Variants in EIF2AK1 observed in about 807,000 individuals in gnomAD.
The protein encoded by EIF2AK1 is eukaryotic translation initiation factor 2 alpha kinase 1.
Under a neutral mutation model 77.9 loss-of-function variants are expected in EIF2AK1, and 54 were observed. The ratio of observed to expected loss-of-function variants is 0.69; its 90% CI spans 0.56 to 0.87. The LOEUF (loss-of-function observed/expected upper bound fraction) is 0.87. EIF2AK1 is among the 40% of genes least tolerant of loss of function. The pLI is 0.00. For missense variants in EIF2AK1, 810 were observed against 768.6 expected (o/e 1.05, Z -0.64); for synonymous variants, 314 against 290.5 (o/e 1.08, Z -0.82).
intron 6 of EIF2AK1, 83 bp from the exon 7 acceptor site, chr7:6,044,744 TAC>T: frequency 8.7e-7 from 1 of 1,155,420 alleles, no homozygotes; most frequent in Non-Finnish European, 1.3e-6. Flanking sequence ...CAGAGCAAAA[TAC>T]AGATGGCCCC....
rs1426542145 is a variant in EIF2AK1 at position 6,023,933 on chromosome 7, TC to T, written c.*739del. ...CCCTTTCTGGGATTCAAAAACCAAT[TC>T]ATCAGATCGCTGCCTCTGAGGGATG... On this transcript the variant is annotated 3_prime_UTR_variant, in exon 15 of 15. Transcript: ENST00000199389. 6.9e-7 allele frequency: 1 copy of T among 1,449,508 alleles called. No individual in the cohort carries two copies. Among genetic ancestry groups the T allele is most frequent in the Non-Finnish European group, 9.2e-7 (1 of 1,092,418 alleles). 89.8% of individuals were successfully genotyped at this position (1,449,508 alleles called of 1,614,324 possible).
At chr7:6,057,083 A>C (rs1788795955) in intron 1 of EIF2AK1, among the ~76,000 whole-genome samples, 1 of 150,218 alleles carries the variant, frequency 6.7e-6, no homozygotes, top group Non-Finnish European at 1.5e-5. Flanking sequence ...CGTTGAACCC[A>C]GGAGTTTGAG....
chr7:6,039,385 G>C (rs1191280890), intron 9 of EIF2AK1, among the ~76,000 whole-genome samples: 2 of 151,928 alleles, frequency 1.3e-5, no homozygotes, highest in Non-Finnish European at 2.9e-5. Flanking sequence ...ATCTTGGAAG[G>C]CCAAGGCAGG....
In EIF2AK1 at chr7:6,033,054, T is replaced by A; in HGVS notation, c.1333-4022A>T. On this transcript the variant is annotated intron_variant, in intron 11 of 14. Coordinates refer to ENST00000199389, the MANE Select transcript of EIF2AK1 (RefSeq NM_014413.4). This position sits in a 1 kb window ranked among gnomAD's most constrained non-coding sequence, Gnocchi z 4.4. ...CACAATCTCGCCTCACTGCAACCTC[T>A]ACTTCCTGGGTTCAAGAGCTTCTCC... 1.2e-6 allele frequency: 1 copy of A among 821,758 alleles called. No homozygotes were observed. The highest frequency in any genetic ancestry group is 1.7e-5 in the South Asian group (1 of 58,204). The allele number at this position is 821,758 out of a possible 1,614,324, so 50.9% of individuals were successfully genotyped here. A position where few individuals can be genotyped will look rare whatever the true frequency, so the allele number is the denominator to read the frequency against.
Position 6,023,541 on chromosome 7 carries a change from G to C in EIF2AK1, c.*1132C>G, listed in dbSNP as rs1562736045. ...TTGGGAAGAGCCCTTGGCTCGCTGG[G>C]AATGAACTCACCGTAGCAGACGTGG... On this transcript the variant is annotated 3_prime_UTR_variant, in exon 15 of 15. Transcript: ENST00000199389. The C allele has an allele frequency of 6.2e-7, 1 of 1,614,226 alleles. No homozygotes were observed. The highest frequency in any genetic ancestry group is 2.2e-5 in the East Asian group (1 of 44,874).
In EIF2AK1 at chr7:6,046,060, A is replaced by T; in HGVS notation, c.630+11T>A. ...CAATTATTCAAAATAAGTAATTTTT[A>T]AAAATCATACCTTCATGCAAACTGT... is the stretch of plus-strand genomic sequence containing the variant. On this transcript the variant is annotated intron_variant, in intron 6 of 14. Transcript: ENST00000199389. 1 of 1,498,838 alleles carries T rather than the reference A, an allele frequency of 6.7e-7. No individual in the cohort carries two copies. Among genetic ancestry groups the T allele is most frequent in the Non-Finnish European group, 9.1e-7 (1 of 1,100,660 alleles). The allele number at this position is 1,498,838 out of a possible 1,614,324, so 92.8% of individuals were successfully genotyped here.
rs1156450907 is a variant in EIF2AK1 at position 6,042,450 on chromosome 7, C to CA, written c.791+482dup. ...TGGGCGACAGAGCGAGACTCCATCTCAAAAAAAAAAAAAAAATACCGACAG... is the reference window on the plus strand; with the variant it reads ...TGGGCGACAGAGCGAGACTCCATCTCAAAAAAAAAAAAAAAAATACCGACAG... On this transcript the variant is annotated intron_variant, in intron 8 of 14. Transcript: ENST00000199389. Among the ~76,000 whole-genome samples, 574 of 104,928 alleles carry CA rather than the reference C, an allele frequency of 5.5e-3. 1 individual carries two copies. Among genetic ancestry groups the CA allele is most frequent in the African/African-American group, 7.9e-3 (213 of 27,000 alleles). 68.8% of individuals were successfully genotyped at this position (104,928 alleles called of 152,430 possible). A position where few individuals can be genotyped will look rare whatever the true frequency, so the allele number is the denominator to read the frequency against.
At chr7:6,040,603 T>C (rs1788267710) in intron 9 of EIF2AK1, among the ~76,000 whole-genome samples, 1 of 152,170 alleles carries the variant, frequency 6.6e-6, no homozygotes, top group South Asian at 2.1e-4. Context: ...GATGCTAACA[T>C]ACAACACAAA....
In EIF2AK1 at chr7:6,032,247, G is replaced by T. The variant is rs12333405; in HGVS notation, c.1333-3215C>A. Among the ~76,000 whole-genome samples the T allele has an allele frequency of 0.11, 17,470 of 152,136 alleles. 1,180 individuals carry two copies. Among genetic ancestry groups the T allele is most frequent in the African/African-American group, 0.19 (7,855 of 41,490 alleles). Reference sequence around the variant, plus strand: ...TTCATTTTCTAAATTTTTATACAATGATTATTACTTTTACAATTAAATTCA... The same window carrying T: ...TTCATTTTCTAAATTTTTATACAATTATTATTACTTTTACAATTAAATTCA... On this transcript the variant is annotated intron_variant, in intron 11 of 14. Transcript: ENST00000199389. The surrounding 1 kb of genome is among the most constrained non-coding windows in gnomAD (Gnocchi z 4.3).
In EIF2AK1 at chr7:6,059,057, G is replaced by C; in HGVS notation, c.27C>G (p.Arg9=). 6.7e-7 allele frequency: 1 copy of C among 1,488,432 alleles called. No homozygotes were observed. Among genetic ancestry groups the C allele is most frequent in the South Asian group, 1.3e-5 (1 of 77,436 alleles). 92.2% of individuals were successfully genotyped at this position (1,488,432 alleles called of 1,614,324 possible). Reference sequence around the variant, plus strand: ...CCCCGTCGCCCTCCTCTTCGCGCTTGCGGACCCCGGAGTTGCCCCCCTGCA... The same window carrying C: ...CCCCGTCGCCCTCCTCTTCGCGCTTCCGGACCCCGGAGTTGCCCCCCTGCA... MQGGNSGV[R]KREEEGDGAG... is the part of the protein sequence containing the mutation. The change falls in exon 1 of 15, where the codon CGC becomes CGG. Residue 9 remains arginine (R), a synonymous_variant. Transcript: ENST00000199389.
rs1036201274 is a variant in EIF2AK1, at chr7:6,036,454, T to C, written c.1332+970A>G. 5 of 1,198,720 alleles carry C rather than the reference T, an allele frequency of 4.2e-6. No homozygotes were observed. The African/African-American group carries it at 4.6e-5, about 11-fold the overall frequency. 74.3% of individuals were successfully genotyped at this position (1,198,720 alleles called of 1,614,324 possible). On this transcript the variant is annotated intron_variant, in intron 11 of 14. Coordinates refer to ENST00000199389, the MANE Select transcript of EIF2AK1 (RefSeq NM_014413.4). The surrounding 1 kb of genome is among the most constrained non-coding windows in gnomAD (Gnocchi z 4.6). Reference sequence around the variant, plus strand: ...TCAAACTGCATTTTCTGGCTAGACATGTCCCAGAAAATGCTTCACCTATCA... The same window carrying C: ...TCAAACTGCATTTTCTGGCTAGACACGTCCCAGAAAATGCTTCACCTATCA...
At chr7:6,043,530 G>A (rs1024941884) in intron 7 of EIF2AK1, among the ~76,000 whole-genome samples, 1 of 152,058 alleles carries the variant, frequency 6.6e-6, no homozygotes, top group Admixed American at 6.6e-5. Flanking sequence ...CCGGGTTCAA[G>A]TGATTCTGCT....
chr7:6,055,049 T>C (rs1304114963), intron 1 of EIF2AK1, among the ~76,000 whole-genome samples: 1 of 151,910 alleles, frequency 6.6e-6, no homozygotes, highest in African/African-American at 2.4e-5. Flanking sequence ...AGAAAGAAGT[T>C]AGGCAGAGGA....
intron 6 of EIF2AK1, among the ~76,000 whole-genome samples, chr7:6,045,830 C>T (rs776761419): frequency 1.3e-5 from 2 of 150,908 alleles, no homozygotes; most frequent in Non-Finnish European, 2.9e-5. Context: ...CCCTGCGGGG[C>T]GGAGGCTGCA....
intron 6 of EIF2AK1, among the ~76,000 whole-genome samples, chr7:6,045,672 T>C (rs1788425507): frequency 2.6e-5 from 4 of 151,204 alleles, no homozygotes; most frequent in Non-Finnish European, 4.4e-5. Context: ...CTCCTGTTTT[T>C]TCATAACTAG....
At chr7:6,047,578 C>A (rs1051257538) in intron 4 of EIF2AK1, 2 of 187,096 alleles carry the variant, frequency 1.1e-5, no homozygotes, top group Non-Finnish European at 2.2e-5. Flanking sequence ...GAGGCTGATG[C>A]AGGAGAATTG....
In EIF2AK1 at chr7:6,023,828, T is replaced by A; in HGVS notation, c.*845A>T. The A allele has an allele frequency of 6.4e-7, 1 of 1,558,772 alleles. No homozygotes were observed. The highest frequency in any genetic ancestry group is 8.7e-7 in the Non-Finnish European group (1 of 1,150,602). ...GTCAAGTGTCAATAAAAGCATCATG[T>A]AATTTATGGTTTTCATTTTATTTAA... On this transcript the variant is annotated 3_prime_UTR_variant, in exon 15 of 15. Transcript: ENST00000199389.
intron 1 of EIF2AK1, among the ~76,000 whole-genome samples, chr7:6,058,499 C>T (rs1296480874): frequency 1.3e-5 from 2 of 152,176 alleles, no homozygotes; most frequent in Non-Finnish European, 2.9e-5. Flanking sequence ...TTTAGTTCTC[C>T]TTCCAATGAA....
Position 6,032,774 on chromosome 7 carries a change from C to A in EIF2AK1, c.1333-3742G>T. On this transcript the variant is annotated intron_variant, in intron 11 of 14. Transcript: ENST00000199389. This position sits in a 1 kb window ranked among gnomAD's most constrained non-coding sequence, Gnocchi z 4.3. ...AATGTATTGCCTTTGAAACGGCAAGCTAACACAAACAGTATTTTTAACTAC... is the reference window on the plus strand; with the variant it reads ...AATGTATTGCCTTTGAAACGGCAAGATAACACAAACAGTATTTTTAACTAC... 1 of 1,347,014 alleles carries A rather than the reference C, an allele frequency of 7.4e-7. No homozygotes were observed. The highest frequency in any genetic ancestry group is 1.0e-6 in the Non-Finnish European group (1 of 969,190). The allele number at this position is 1,347,014 out of a possible 1,614,324, so 83.4% of individuals were successfully genotyped here.
Sources: allele counts gnomAD v4.1 joint callset (sites outside exome capture counted in the v4.1 genomes callset), GRCh38; gene constraint gnomAD v4.1.1; non-coding constraint Gnocchi (gnomAD v3.1); transcripts MANE v1.5; gene names NCBI Gene and HGNC (gene_info 2026-07-23, HGNC 2026-07-21).